The following ADAMTS5 variants were observed in gnomAD, a reference collection of about 807,000 sequenced individuals.
The protein encoded by ADAMTS5 is ADAM metallopeptidase with thrombospondin type 1 motif 5.
A neutral mutation model predicts 81.4 loss-of-function variants in ADAMTS5; 54 were observed. The ratio of observed to expected loss-of-function variants is 0.66; its 90% CI spans 0.53 to 0.83. The LOEUF (loss-of-function observed/expected upper bound fraction) is 0.83. Ranked by LOEUF, ADAMTS5 falls within the 40% of genes least tolerant of loss-of-function variation. The pLI is 0.00. For missense variants in ADAMTS5, 1,194 were observed against 1,229.9 expected (o/e 0.97, Z 0.44); for synonymous variants, 532 against 508.8 (o/e 1.05, Z -0.61).
intron 5 of ADAMTS5, 92 bp downstream of exon 5, chr21:26,932,769 A>G: frequency 3.6e-6 from 5 of 1,373,350 alleles, no homozygotes; most frequent in Non-Finnish European, 4.9e-6. Flanking sequence ...GTATAAGATT[A>G]ATATTATTTC....
Position 26,932,876 on chromosome 21 carries a change from G to T in ADAMTS5, c.1858C>A (p.Pro620Thr), listed in dbSNP as rs760080877. The T allele has an allele frequency of 1.9e-6, 3 of 1,611,918 alleles. No individual in the cohort carries two copies. The highest frequency in any genetic ancestry group is 2.5e-6 in the Non-Finnish European group (3 of 1,179,286). Residue 620 changes from proline to threonine, a missense_variant, in exon 5 of 8, where the codon CCC becomes ACC. Pro to Thr is a conservative substitution (Grantham distance 38, BLOSUM62 -1). This residue lies in a region of ADAMTS5 where 696 missense variants were observed against 817.6 expected (regional missense o/e 0.85). Coordinates refer to ENST00000284987, the MANE Select transcript of ADAMTS5 (RefSeq NM_007038.5). ...AGCAGCGTACCATTGGGTGGGCAGGGCATGAGACTGCAGGAGCGGTAGATG... is the reference window on the plus strand; with the variant it reads ...AGCAGCGTACCATTGGGTGGGCAGGTCATGAGACTGCAGGAGCGGTAGATG... ...RAIYRSCSLM[P>T]CPPNGKSFRH...
At position 26,919,825 on chromosome 21, in the gene ADAMTS5, A is replaced by G. The variant is rs1467799104; in HGVS notation, c.*4228T>C. On this transcript the variant is annotated 3_prime_UTR_variant, in exon 8 of 8. Coordinates refer to ENST00000284987, the MANE Select transcript of ADAMTS5 (RefSeq NM_007038.5). ...TCTATCTGTTTGATAACCTAAAACT[A>G]TAGATTGTTGGCAAATGAGAAAAAT... 1 of 152,122 alleles carries G rather than the reference A, an allele frequency of 6.6e-6. No homozygotes were observed. Among genetic ancestry groups the G allele is most frequent in the African/African-American group, 2.4e-5 (1 of 41,444 alleles). 9.4% of individuals were successfully genotyped at this position (152,122 alleles called of 1,614,324 possible). A position where few individuals can be genotyped will look rare whatever the true frequency, so the allele number is the denominator to read the frequency against.
intron 2 of ADAMTS5, among the ~76,000 whole-genome samples, chr21:26,945,751 A>G (rs141571394): frequency 4.9e-4 from 74 of 152,330 alleles, no homozygotes; most frequent in African/African-American, 1.7e-3. Flanking sequence ...TTAATATAAC[A>G]TTATGACTTC....
intron 7 of ADAMTS5, among the ~76,000 whole-genome samples, chr21:26,926,660 C>G (rs1431610981): frequency 7.0e-6 from 1 of 143,294 alleles, no homozygotes; most frequent in African/African-American, 2.7e-5. Flanking sequence ...AGAGTGAGAC[C>G]CTGTCTTAAA....
intron 7 of ADAMTS5, 90 bp downstream of exon 7, chr21:26,929,796 T>C (rs1986871535): frequency 7.5e-7 from 1 of 1,332,134 alleles, no homozygotes; most frequent in Non-Finnish European, 1.0e-6. Context: ...ACAGATAGCT[T>C]ATGATGTAAT....
chr21:26,953,085 G>A (rs1357218509), intron 2 of ADAMTS5, among the ~76,000 whole-genome samples: 1 of 152,218 alleles, frequency 6.6e-6, no homozygotes, highest in East Asian at 1.9e-4. Context: ...CTACCCTGGA[G>A]CCTAAATGGC....
chr21:26,952,650 T>C (rs992176965), intron 2 of ADAMTS5, among the ~76,000 whole-genome samples: 1 of 152,230 alleles, frequency 6.6e-6, no homozygotes, highest in Non-Finnish European at 1.5e-5. Flanking sequence ...TTAAGGAATG[T>C]GGAATCTTTC....
chr21:26,938,109 G>A lies in ADAMTS5; in HGVS notation c.1406-3360C>T, dbSNP rs905908129. Among the ~76,000 whole-genome samples, 25 of 151,932 alleles carry A rather than the reference G, an allele frequency of 1.6e-4. 1 individual carries two copies. The East Asian group carries it at 2.9e-3, about 18-fold the overall frequency. ...ACAAAAATTAGCTGGGTGTGGTGGC[G>A]GGCGCCTGTAGTCCCAGCTACTCGG... On this transcript the variant is annotated intron_variant, in intron 3 of 7. Coordinates refer to ENST00000284987, the MANE Select transcript of ADAMTS5 (RefSeq NM_007038.5).
Position 26,966,109 on chromosome 21 carries a change from C to G in ADAMTS5, c.283G>C (p.Gly95Arg). The part of the protein sequence containing the change: ...GKVGYLVYAG[G>R]RRFLLDLERD... ...TCCAGGTCCAAGAGGAACCTCCGGC[C>G]GCCCGCGTAGACGAGGTAGCCCACC... is the stretch of plus-strand genomic sequence containing the variant. The change falls in exon 1 of 8, where the codon GGC (glycine) becomes CGC (arginine). Residue 95 changes from glycine to arginine, a missense_variant. By Grantham distance (125) the Gly-to-Arg change is moderately radical. Around this residue, in one of 2 missense-constraint regions of ADAMTS5, gnomAD observed 498 missense variants for 412.3 expected, o/e 1.21. Transcript: ENST00000284987. 6.2e-7 allele frequency: 1 copy of G among 1,612,782 alleles called. No homozygotes were observed. The highest frequency in any genetic ancestry group is 8.5e-7 in the Non-Finnish European group (1 of 1,179,768).
intron 1 of ADAMTS5, among the ~76,000 whole-genome samples, chr21:26,964,402 C>T (rs1294632191): frequency 1.3e-5 from 2 of 152,200 alleles, no homozygotes; most frequent in Non-Finnish European, 2.9e-5. Flanking sequence ...TCTTTGCTTC[C>T]CCATAACCAT....
chr21:26,959,191 T>C (rs142073489), intron 1 of ADAMTS5, among the ~76,000 whole-genome samples: 4 of 152,136 alleles, frequency 2.6e-5, no homozygotes, highest in Non-Finnish European at 5.9e-5. Flanking sequence ...AAATGGAAGC[T>C]GGTTAGAGAG....
rs1986940691 is a variant in ADAMTS5, at chr21:26,932,922, G to A, written c.1812C>T (p.Arg604=). The A allele has an allele frequency of 1.2e-6, 2 of 1,614,096 alleles. No homozygotes were observed. Among genetic ancestry groups the A allele is most frequent in the East Asian group, 4.5e-5 (2 of 44,850 alleles). The change falls in exon 5 of 8, where the codon CGC becomes CGT. Residue 604 remains arginine, a synonymous_variant. Coordinates refer to ENST00000284987, the MANE Select transcript of ADAMTS5 (RefSeq NM_007038.5). ...CNNPAPRNNG[R]YCTGKRAIYR... is the part of the protein sequence containing the mutation. ...AGATGGCCCTCTTCCCTGTGCAGTA[G>A]CGTCCGTTGTTTCTGGGAGCAGGGT...
rs573762987 is a variant in ADAMTS5 at position 26,921,598 on chromosome 21, C to T, written c.*2455G>A. 12 of 152,410 alleles carry T rather than the reference C, an allele frequency of 7.9e-5. No individual in the cohort carries two copies. The highest frequency in any genetic ancestry group is 1.3e-4 in the Non-Finnish European group (9 of 67,912). 9.4% of individuals were successfully genotyped at this position (152,410 alleles called of 1,614,324 possible). A position where few individuals can be genotyped will look rare whatever the true frequency, so the allele number is the denominator to read the frequency against. On this transcript the variant is annotated 3_prime_UTR_variant, in exon 8 of 8. Coordinates refer to ENST00000284987, the MANE Select transcript of ADAMTS5 (RefSeq NM_007038.5). ...AGTTGTATAGAATTTTCCCTTTGTT[C>T]ACAATTCGTGGTATCTATTGAACAC... is the stretch of plus-strand genomic sequence containing the variant.
chr21:26,932,402 T>C (rs1412061971), intron 5 of ADAMTS5, among the ~76,000 whole-genome samples: 1 of 152,000 alleles, frequency 6.6e-6, no homozygotes, highest in African/African-American at 2.4e-5. Flanking sequence ...AACTTAAAAA[T>C]CACATATGTG....
rs923016170 is a variant in ADAMTS5, at chr21:26,920,997, G to A, written c.*3056C>T. 3 of 152,490 alleles carry A rather than the reference G, an allele frequency of 2.0e-5. No individual in the cohort carries two copies. The highest frequency in any genetic ancestry group is 7.2e-5 in the African/African-American group (3 of 41,416). 9.4% of individuals were successfully genotyped at this position (152,490 alleles called of 1,614,324 possible). The stretch of plus-strand genomic sequence containing the variant: ...TTATGTAAACTCACAAAGTGTAAAA[G>A]TGTACTTTATACACAAACATGAAGC... On this transcript the variant is annotated 3_prime_UTR_variant, in exon 8 of 8. Transcript: ENST00000284987.
chr21:26,929,178 T>G (rs1439089956), intron 7 of ADAMTS5, among the ~76,000 whole-genome samples: 2 of 152,178 alleles, frequency 1.3e-5, no homozygotes, highest in Admixed American at 6.5e-5. Flanking sequence ...AGCACGTACA[T>G]CAAGAATACA....
chr21:26,931,133 G>A (rs1986899055), intron 6 of ADAMTS5, among the ~76,000 whole-genome samples: 1 of 151,886 alleles, frequency 6.6e-6, no homozygotes, highest in Non-Finnish European at 1.5e-5. Context: ...TGCAATCTCT[G>A]CCTCCCGAGT....
intron 7 of ADAMTS5, among the ~76,000 whole-genome samples, chr21:26,926,470 C>T (rs1315196414): frequency 6.6e-6 from 1 of 152,108 alleles, no homozygotes; most frequent in African/African-American, 2.4e-5. Flanking sequence ...GACAGGAGTT[C>T]CTGACCAGCC....
intron 2 of ADAMTS5, among the ~76,000 whole-genome samples, chr21:26,945,030 T>A (rs924279681): frequency 2.0e-5 from 3 of 152,078 alleles, no homozygotes; most frequent in African/African-American, 7.2e-5. Flanking sequence ...GTCAGTAGCA[T>A]AAGTGTGCAT....
Sources: allele counts gnomAD v4.1 joint callset (sites outside exome capture counted in the v4.1 genomes callset), GRCh38; gene constraint gnomAD v4.1.1; regional missense constraint gnomAD v4.1.1; transcripts MANE v1.5; gene names NCBI Gene and HGNC (gene_info 2026-07-23, HGNC 2026-07-21).